The following GRID1 variants were observed in gnomAD, a reference collection of about 807,000 sequenced individuals.
GRID1 encodes glutamate ionotropic receptor delta type subunit 1, also known as glutamate receptor ionotropic, delta-1.
Under a neutral mutation model 98.0 loss-of-function variants are expected in GRID1, and 28 were observed. The observed-to-expected ratio is 0.29, with a 90% confidence interval of 0.21 to 0.39. The LOEUF is 0.39. GRID1 is among the 10% of genes least tolerant of loss of function. The pLI is 1.00. For synonymous variants in GRID1, 553 were observed against 538.5 expected, an observed-to-expected ratio of 1.03 and a Z score of -0.37; for missense variants, 1,111 against 1,340.5, an observed-to-expected ratio of 0.83 and a Z score of 2.67.
At chr10:86,079,423 CGCTCCAGG>C (rs900354469) in intron 4 of GRID1, among the ~76,000 whole-genome samples, 3 of 152,210 alleles carry the variant, frequency 2.0e-5, no homozygotes, top group South Asian at 2.1e-4. Context: ...TCATGCATTT[CGCTCCAGG>C]GCTCCAGGGC....
chr10:86,246,341 C>T (rs1194762916), intron 2 of GRID1, among the ~76,000 whole-genome samples: 2 of 152,234 alleles, frequency 1.3e-5, no homozygotes, highest in African/African-American at 4.8e-5. Flanking sequence ...TGTGTGGACA[C>T]TTCTCGCTCT....
chr10:85,845,438 T>C (rs551696693), intron 8 of GRID1, among the ~76,000 whole-genome samples: 2 of 152,328 alleles, frequency 1.3e-5, no homozygotes, highest in African/African-American at 4.8e-5. Context: ...TATACTATAT[T>C]CATGAATTAG....
intron 8 of GRID1, among the ~76,000 whole-genome samples, chr10:85,837,385 C>T (rs916575063): frequency 6.6e-6 from 1 of 152,180 alleles, no homozygotes; most frequent in Non-Finnish European, 1.5e-5. Flanking sequence ...CACAGTGAGG[C>T]TGGCACCCCT....
At chr10:85,644,490 C>T (rs372603673) in intron 13 of GRID1, among the ~76,000 whole-genome samples, 1 of 152,108 alleles carries the variant, frequency 6.6e-6, no homozygotes, top group Non-Finnish European at 1.5e-5. Context: ...TTAGTTGACC[C>T]GTATGAAATT....
chr10:86,268,956 C>T (rs1847145446), intron 2 of GRID1, among the ~76,000 whole-genome samples: 1 of 151,858 alleles, frequency 6.6e-6, no homozygotes, highest in Non-Finnish European at 1.5e-5. Flanking sequence ...CGCCACTGCA[C>T]TCCAGCCCGG....
intron 2 of GRID1, among the ~76,000 whole-genome samples, chr10:86,257,190 C>T (rs1293996385): frequency 6.6e-6 from 1 of 152,354 alleles, no homozygotes; most frequent in African/African-American, 2.4e-5. Flanking sequence ...GGTATTCACA[C>T]AGTCCTCTCT....
chr10:86,307,932 A>T (rs905792045), intron 2 of GRID1, among the ~76,000 whole-genome samples: 2 of 152,196 alleles, frequency 1.3e-5, no homozygotes, highest in Non-Finnish European at 2.9e-5. Flanking sequence ...TACGCTCTGA[A>T]CAAATTTCTA....
At chr10:85,888,695 C>G (rs935499676) in intron 5 of GRID1, among the ~76,000 whole-genome samples, 1 of 152,026 alleles carries the variant, frequency 6.6e-6, no homozygotes, top group African/African-American at 2.4e-5. Flanking sequence ...CTCCTCAGTT[C>G]TCTCCTCATC....
intron 14 of GRID1, among the ~76,000 whole-genome samples, chr10:85,615,369 T>A (rs565649873): frequency 5.6e-4 from 86 of 152,334 alleles, no homozygotes; most frequent in Middle Eastern, 3.4e-3. Flanking sequence ...GCCACTTAGA[T>A]GAGCAGACCC....
At chr10:86,109,356 G>A (rs1844442223) in intron 4 of GRID1, among the ~76,000 whole-genome samples, 1 of 152,208 alleles carries the variant, frequency 6.6e-6, no homozygotes, top group Non-Finnish European at 1.5e-5. Flanking sequence ...GGTGAACAAG[G>A]CTTACAAAAC....
intron 4 of GRID1, among the ~76,000 whole-genome samples, chr10:86,015,917 G>T (rs1842974471): frequency 6.6e-6 from 1 of 152,130 alleles, no homozygotes; most frequent in African/African-American, 2.4e-5. Flanking sequence ...CCATGATGGG[G>T]CTGTGGAAGT....
At chr10:85,738,883 T>A (rs1267501123) in intron 8 of GRID1, among the ~76,000 whole-genome samples, 2 of 152,080 alleles carry the variant, frequency 1.3e-5, no homozygotes, top group East Asian at 3.9e-4. Flanking sequence ...AGGTGGGACA[T>A]TTGGGGCTAA....
chr10:86,300,371 G>A (rs1321988019), intron 2 of GRID1, among the ~76,000 whole-genome samples: 1 of 151,096 alleles, frequency 6.6e-6, no homozygotes, highest in Non-Finnish European at 1.5e-5. Flanking sequence ...GAAGGCTGAA[G>A]CAGGAGGATC....
intron 12 of GRID1, among the ~76,000 whole-genome samples, chr10:85,669,074 C>T (rs73326664): frequency 0.018 from 2,768 of 152,328 alleles, 70 homozygotes; most frequent in African/African-American, 0.063. Flanking sequence ...ATGGGCTAAT[C>T]ACAGGGTTCC....
chr10:86,064,271 G>A (rs1476730309), intron 4 of GRID1, among the ~76,000 whole-genome samples: 1 of 152,212 alleles, frequency 6.6e-6, no homozygotes, highest in Non-Finnish European at 1.5e-5. Flanking sequence ...TGCCCAAAGT[G>A]CACATGAGAC....
intron 8 of GRID1, among the ~76,000 whole-genome samples, chr10:85,822,609 C>A (rs1254947511): frequency 2.0e-5 from 3 of 152,150 alleles, no homozygotes; most frequent in Admixed American, 6.5e-5. Flanking sequence ...ACTAGTTCAA[C>A]CATTGTGGAA....
At chr10:85,910,708 C>A (rs1841525496) in intron 5 of GRID1, among the ~76,000 whole-genome samples, 1 of 152,200 alleles carries the variant, frequency 6.6e-6, no homozygotes, top group Non-Finnish European at 1.5e-5. Flanking sequence ...CCAGTGAGCT[C>A]TTCTGTGTGT....
chr10:86,258,968 G>A (rs892608892), intron 2 of GRID1, among the ~76,000 whole-genome samples: 1 of 152,148 alleles, frequency 6.6e-6, no homozygotes, highest in Non-Finnish European at 1.5e-5. Flanking sequence ...AAATCAAAAG[G>A]ACAAAACCAG....
chr10:85,611,865 G>A (rs1842735812), intron 15 of GRID1, among the ~76,000 whole-genome samples: 1 of 152,226 alleles, frequency 6.6e-6, no homozygotes, highest in South Asian at 2.1e-4. Flanking sequence ...TTTTCCAGTA[G>A]CCAAAGAAGC....
Sources: gnomAD v4.1 joint callset for allele counts (sites outside exome capture counted in the v4.1 genomes callset) on GRCh38, gnomAD v4.1.1 for gene constraint, MANE v1.5 for transcripts, NCBI Gene and HGNC (gene_info 2026-07-23, HGNC 2026-07-21) for gene names.